The following DLGAP2 variants were observed in gnomAD, a reference collection of about 807,000 sequenced individuals.
The protein encoded by DLGAP2 is disks large-associated protein 2.
Under a neutral mutation model 100.3 loss-of-function variants are expected in DLGAP2, and 26 were observed. The observed-to-expected ratio is 0.26, with a 90% confidence interval of 0.19 to 0.36. The LOEUF is 0.36. Among genes scored for constraint, DLGAP2 ranks in the 10% least tolerant of loss-of-function variants. The probability of loss-of-function intolerance (pLI) is 1.00; values close to 1 mark genes in which losing one functional copy is unlikely to be tolerated. For missense variants in DLGAP2, 1,858 were observed against 1,453.2 expected, an observed-to-expected ratio of 1.28 and a Z score of -4.53; for synonymous variants, 886 against 630.1, an observed-to-expected ratio of 1.41 and a Z score of -6.08.
At chr8:799,327 G>A (rs1048468728) in intron 1 of DLGAP2, among the ~76,000 whole-genome samples, 4 of 152,166 alleles carry the variant, frequency 2.6e-5, no homozygotes, top group East Asian at 1.9e-4. Context: ...CGCTTGTCTC[G>A]TGGGCAGAGG....
At chr8:779,752 T>G (rs1352678642) in intron 1 of DLGAP2, among the ~76,000 whole-genome samples, 1 of 152,216 alleles carries the variant, frequency 6.6e-6, no homozygotes, top group Non-Finnish European at 1.5e-5. Context: ...ACAGGGAATA[T>G]CTGTAGCAGG....
chr8:764,347 T>C (rs1327472990), intron 1 of DLGAP2, among the ~76,000 whole-genome samples: 1 of 152,236 alleles, frequency 6.6e-6, no homozygotes, highest in Non-Finnish European at 1.5e-5. Context: ...CTTTACTCGG[T>C]AATTTTCTCA....
intron 2 of DLGAP2, among the ~76,000 whole-genome samples, chr8:1,094,097 G>C (rs889442019): frequency 6.6e-6 from 1 of 152,036 alleles, no homozygotes; most frequent in African/African-American, 2.4e-5. Flanking sequence ...CAGCTCTGTG[G>C]TGGATGGAGG....
At chr8:1,045,593 T>C (rs1274606824) in intron 2 of DLGAP2, among the ~76,000 whole-genome samples, 1 of 152,194 alleles carries the variant, frequency 6.6e-6, no homozygotes, top group Non-Finnish European at 1.5e-5. Context: ...CTTGACTTAC[T>C]CCTCCCGTCT....
chr8:1,435,811 G>T, intron 3 of DLGAP2, among the ~76,000 whole-genome samples: 1 of 151,916 alleles, frequency 6.6e-6, no homozygotes, highest in South Asian at 2.1e-4. Flanking sequence ...GATATCGACA[G>T]TCCTGACCCT....
chr8:1,615,043 G>C (rs895365817), intron 6 of DLGAP2, among the ~76,000 whole-genome samples: 5 of 152,262 alleles, frequency 3.3e-5, no homozygotes, highest in African/African-American at 1.2e-4. Context: ...GACAGCTGCA[G>C]TCTCCTTGGA....
Position 1,209,884 on chromosome 8 carries a change from G to A in DLGAP2, c.74-48967G>A, listed in dbSNP as rs187071820. Among the ~76,000 whole-genome samples the A allele has an allele frequency of 2.9e-3, 440 of 152,188 alleles. 2 individuals carry two copies. Among genetic ancestry groups the A allele is most frequent in the Non-Finnish European group, 5.0e-3 (339 of 68,012 alleles). On this transcript the variant is annotated intron_variant, in intron 2 of 14. Coordinates refer to ENST00000637795, the MANE Select transcript of DLGAP2 (RefSeq NM_001346810.2). ...ACGCCCAGGCATGTCCTACCCCCTC[G>A]TAATCCCACCTCCCTCCCTGAGAAA...
At chr8:767,348 GT>G (rs35944301) in intron 1 of DLGAP2, among the ~76,000 whole-genome samples, 139 of 117,920 alleles carry the variant, frequency 1.2e-3, no homozygotes, top group Middle Eastern at 4.7e-3. Context: ...GCTGTTGACT[GT>G]TTTTTTTTTT....
chr8:1,557,455 G>T (rs1802003444), intron 5 of DLGAP2, among the ~76,000 whole-genome samples: 1 of 152,252 alleles, frequency 6.6e-6, no homozygotes, highest in East Asian at 1.9e-4. Flanking sequence ...ATGGGGCAGA[G>T]GGCAGGGGTG....
intron 2 of DLGAP2, among the ~76,000 whole-genome samples, chr8:933,361 G>C: frequency 6.6e-6 from 1 of 151,818 alleles, no homozygotes; most frequent in Non-Finnish European, 1.5e-5. Flanking sequence ...AGGGGAGGGT[G>C]AGGGCAGAGC....
At chr8:1,135,661 G>A (rs1191056386) in intron 2 of DLGAP2, among the ~76,000 whole-genome samples, 1 of 152,148 alleles carries the variant, frequency 6.6e-6, no homozygotes, top group East Asian at 1.9e-4. Flanking sequence ...GTCAGAAAGT[G>A]TGCTTTCCAG....
rs531901864 is a variant in DLGAP2 at position 1,202,934 on chromosome 8, G to A, written c.74-55917G>A. 7.1e-4 allele frequency among the ~76,000 whole-genome samples: 108 copies of A among 152,316 alleles called. 2 individuals are homozygous for A. The highest frequency in any genetic ancestry group is 6.5e-3 in the Admixed American group (99 of 15,308). Reference sequence around the variant, plus strand: ...CACGCATTTTTCACAGATGGGGTGAGCACATGCGCTCCCGAGAAGCTGAGC... The same window carrying A: ...CACGCATTTTTCACAGATGGGGTGAACACATGCGCTCCCGAGAAGCTGAGC... On this transcript the variant is annotated intron_variant, in intron 2 of 14. Transcript: ENST00000637795.
rs114067811 is a variant in DLGAP2 at position 1,202,075 on chromosome 8, G to A, written c.74-56776G>A. Among the ~76,000 whole-genome samples, 1,244 of 152,082 alleles carry A rather than the reference G, an allele frequency of 8.2e-3. 20 individuals are homozygous for A. The highest frequency in any genetic ancestry group is 0.029 in the African/African-American group (1,191 of 41,456). ...CTGTGTGATGTGTGTGTATGTGTAC[G>A]CCTGTGGTGTGTGCAAGTGTGCACA... On this transcript the variant is annotated intron_variant, in intron 2 of 14. Transcript: ENST00000637795.
chr8:914,519 T>A (rs1446294638), intron 2 of DLGAP2, among the ~76,000 whole-genome samples: 2 of 152,254 alleles, frequency 1.3e-5, no homozygotes, highest in African/African-American at 4.8e-5. Context: ...CTAGCATGGA[T>A]GCTGTCTTTG....
chr8:1,123,519 C>T (rs7012421), intron 2 of DLGAP2, among the ~76,000 whole-genome samples: 111,552 of 152,038 alleles, frequency 0.73, 42,358 homozygotes, highest in Non-Finnish European at 0.84. Flanking sequence ...GCTTTGGAGA[C>T]TCTAAAAGGA....
chr8:1,587,248 T>A (rs1360918741), intron 6 of DLGAP2, among the ~76,000 whole-genome samples: 1 of 152,212 alleles, frequency 6.6e-6, no homozygotes, highest in Admixed American at 6.5e-5. Flanking sequence ...AGGAAATAAC[T>A]TTCTTAGGAG....
chr8:1,288,558 G>GGT (rs1799990391), intron 3 of DLGAP2, among the ~76,000 whole-genome samples: 4 of 9,698 alleles, frequency 4.1e-4, no homozygotes, highest in African/African-American at 6.9e-4. Flanking sequence ...GTGTGTGTGT[G>GGT]TGGTTAGGAG....
rs531716153 is a variant in DLGAP2, at chr8:873,521, T to A, written c.19-34391T>A. 3.9e-5 allele frequency among the ~76,000 whole-genome samples: 6 copies of A among 152,340 alleles called. No homozygotes were observed. The South Asian group carries it at 1.2e-3, about 32-fold the overall frequency. ...TTTCCTTCTATTTCTAACTTATTGC[T>A]TGTTTTTAATTAATACTTTATAATT... On this transcript the variant is annotated intron_variant, in intron 1 of 14. Transcript: ENST00000637795.
At chr8:1,575,491 T>TTATTATTATTA (rs1563231289) in intron 6 of DLGAP2, among the ~76,000 whole-genome samples, 66 of 84,518 alleles carry the variant, frequency 7.8e-4, no homozygotes, top group African/African-American at 2.4e-3. Context: ...TATTATTATT[T>TTATTATTATTA]AAGTTCTAGG....
Sources: allele counts gnomAD v4.1 joint callset (sites outside exome capture counted in the v4.1 genomes callset), GRCh38; gene constraint gnomAD v4.1.1; transcripts MANE v1.5; gene names NCBI Gene and HGNC (gene_info 2026-07-23, HGNC 2026-07-21).